Variants in MAST2 observed in about 807,000 individuals in gnomAD.
The protein encoded by MAST2 is microtubule associated serine/threonine kinase 2.
A neutral mutation model predicts 147.4 loss-of-function variants in MAST2; 70 were observed. The observed-to-expected ratio is 0.47, with a 90% CI of 0.39 to 0.58. MAST2 has a LOEUF of 0.58. MAST2 is among the 20% of genes least tolerant of loss of function. The pLI is 0.00. For synonymous variants in MAST2, 869 were observed against 896.8 expected (o/e 0.97, Z 0.55); for missense variants, 2,080 against 2,302.3 (o/e 0.90, Z 1.98).
chr1:45,979,052 A>G (rs1020076658), intron 5 of MAST2, among the ~76,000 whole-genome samples: 1 of 152,216 alleles, frequency 6.6e-6, no homozygotes, highest in Non-Finnish European at 1.5e-5. Flanking sequence ...GAGAAAAACT[A>G]GAGTGTTTAG....
chr1:45,944,320 T>TA (rs1202303003), intron 4 of MAST2, among the ~76,000 whole-genome samples: 3 of 152,228 alleles, frequency 2.0e-5, no homozygotes, highest in African/African-American at 4.8e-5. Context: ...TTAAAGCTAA[T>TA]AAAGGGATTT....
At chr1:45,861,389 C>T (rs1246939356) in intron 3 of MAST2, among the ~76,000 whole-genome samples, 1 of 151,828 alleles carries the variant, frequency 6.6e-6, no homozygotes, top group African/African-American at 2.4e-5. Context: ...AGCGTATTTT[C>T]TTGTTCTCTG....
At chr1:46,005,113 A>T (rs187925435) in intron 7 of MAST2, among the ~76,000 whole-genome samples, 1 of 152,226 alleles carries the variant, frequency 6.6e-6, no homozygotes, top group East Asian at 1.9e-4. Context: ...CTGTAATCCC[A>T]GCACTTTGGG....
chr1:45,858,466 T>C (rs1232191296), intron 3 of MAST2, among the ~76,000 whole-genome samples: 1 of 151,950 alleles, frequency 6.6e-6, no homozygotes, highest in Non-Finnish European at 1.5e-5. Context: ...GGTTGTTTGT[T>C]TTTTTCTTGT....
chr1:45,865,605 T>G (rs929238035), intron 3 of MAST2, among the ~76,000 whole-genome samples: 1 of 152,206 alleles, frequency 6.6e-6, no homozygotes, highest in Admixed American at 6.5e-5. Flanking sequence ...ATTGTCTGTC[T>G]GTGTTGTCTG....
At chr1:45,978,013 C>T (rs1171531458) in intron 5 of MAST2, among the ~76,000 whole-genome samples, 6 of 152,034 alleles carry the variant, frequency 3.9e-5, no homozygotes, top group African/African-American at 9.6e-5. Context: ...CCGAGGAGTT[C>T]GAGACCAGCC....
intron 1 of MAST2, among the ~76,000 whole-genome samples, chr1:45,807,129 T>G (rs1644164878): frequency 6.6e-6 from 1 of 152,260 alleles, no homozygotes; most frequent in Admixed American, 6.5e-5. Flanking sequence ...CTTTTCCTCA[T>G]CTTGTCTGAC....
intron 17 of MAST2, 57 bp downstream of exon 17, chr1:46,027,920 A>G (rs1376543658): frequency 3.8e-6 from 6 of 1,599,564 alleles, no homozygotes; most frequent in East Asian, 2.2e-5. Flanking sequence ...GTCCTGGCGC[A>G]GTGTCTTACG....
chr1:45,937,765 AAAAAAAAAAAAAAAAAAT>A (rs1372517528), intron 4 of MAST2, among the ~76,000 whole-genome samples: 1 of 150,822 alleles, frequency 6.6e-6, no homozygotes, highest in East Asian at 1.9e-4. Context: ...AAAAAAAAAA[AAAAAAAAAAAAAAAAAAT>A]TACCCATTGT....
intron 4 of MAST2, among the ~76,000 whole-genome samples, chr1:45,910,239 A>G (rs1028904494): frequency 6.6e-6 from 1 of 151,364 alleles, no homozygotes; most frequent in Non-Finnish European, 1.5e-5. Context: ...ATTTTCAGTG[A>G]TCTGTAGGAT....
intron 4 of MAST2, among the ~76,000 whole-genome samples, chr1:45,951,381 A>C (rs1442796362): frequency 6.6e-6 from 1 of 152,146 alleles, no homozygotes; most frequent in Non-Finnish European, 1.5e-5. Flanking sequence ...CCAGGAGTTC[A>C]AGACCATCCC....
At chr1:45,903,990 T>C (rs2148508199) in intron 4 of MAST2, among the ~76,000 whole-genome samples, 1 of 152,284 alleles carries the variant, frequency 6.6e-6, no homozygotes, top group South Asian at 2.1e-4. Flanking sequence ...TTTCCTATGT[T>C]CTTGCTTGCT....
chr1:46,002,664 T>C, intron 6 of MAST2, 141 bp from the exon 7 acceptor site: 1 of 669,186 alleles, frequency 1.5e-6, no homozygotes, highest in Admixed American at 2.3e-5. Flanking sequence ...TATAAAAGCA[T>C]GTACTGGACT....
At chr1:45,864,477 G>A (rs1057381196) in intron 3 of MAST2, among the ~76,000 whole-genome samples, 3 of 152,176 alleles carry the variant, frequency 2.0e-5, no homozygotes, top group Non-Finnish European at 2.9e-5. Context: ...TGACAGTATC[G>A]AAAGAATCTG....
chr1:45,991,854 T>C (rs1557437925), intron 5 of MAST2, among the ~76,000 whole-genome samples: 1 of 152,198 alleles, frequency 6.6e-6, no homozygotes, highest in Non-Finnish European at 1.5e-5. Context: ...ATTTACCTTT[T>C]ATTTCCTTTT....
chr1:45,816,258 A>G (rs1254756344), intron 1 of MAST2, among the ~76,000 whole-genome samples: 1 of 152,086 alleles, frequency 6.6e-6, no homozygotes, highest in African/African-American at 2.4e-5. Flanking sequence ...AAGTCCCTTC[A>G]AATACCTGGA....
chr1:45,884,035 A>G (rs939156022), intron 4 of MAST2, among the ~76,000 whole-genome samples: 9 of 144,282 alleles, frequency 6.2e-5, no homozygotes, highest in Non-Finnish European at 1.4e-4. Flanking sequence ...GTGTGTCCTC[A>G]ATGAATGGAG....
chr1:45,857,762 C>T (rs1645837400), intron 3 of MAST2, among the ~76,000 whole-genome samples: 1 of 151,896 alleles, frequency 6.6e-6, no homozygotes, highest in Admixed American at 6.6e-5. Flanking sequence ...CCCCCGACTC[C>T]ATGACAGGCC....
At chr1:45,905,603 C>T (rs2148522688) in intron 4 of MAST2, among the ~76,000 whole-genome samples, 1 of 152,198 alleles carries the variant, frequency 6.6e-6, no homozygotes, top group Admixed American at 6.5e-5. Context: ...AGTGAAACCC[C>T]GTCTCTACTA....
Sources: allele counts gnomAD v4.1 joint callset (sites outside exome capture counted in the v4.1 genomes callset), GRCh38; gene constraint gnomAD v4.1.1; transcripts MANE v1.5; gene names NCBI Gene and HGNC (gene_info 2026-07-23, HGNC 2026-07-21).